STIM1: variants seen among roughly 807,000 people sequenced by gnomAD.
The protein encoded by STIM1 is stromal interaction molecule 1.
A neutral mutation model predicts 74.7 loss-of-function variants in STIM1; 25 were observed. The ratio of observed to expected loss-of-function variants is 0.33; its 90% CI spans 0.24 to 0.47. The LOEUF is 0.47. Among genes scored for constraint, STIM1 ranks in the 20% least tolerant of loss-of-function variants. The pLI is 1.00. For missense variants in STIM1, 728 were observed against 920.8 expected (o/e 0.79, Z 2.71); for synonymous variants, 328 against 348.8 (o/e 0.94, Z 0.66).
intron 1 of STIM1, chr11:3,892,389 T>G: frequency 1.4e-6 from 2 of 1,417,090 alleles, no homozygotes; most frequent in Non-Finnish European, 2.0e-6. Flanking sequence ...CAAGTCAAAC[T>G]TATTAAGAGT....
intron 2 of STIM1, among the ~76,000 whole-genome samples, chr11:3,975,532 C>T (rs2093438977): frequency 6.6e-6 from 1 of 152,126 alleles, no homozygotes. Context: ...GCAGGAGAAT[C>T]GCTTGAAGCC....
intron 1 of STIM1, among the ~76,000 whole-genome samples, chr11:3,908,165 A>G (rs1490313539): frequency 2.0e-5 from 3 of 152,262 alleles, no homozygotes; most frequent in African/African-American, 7.2e-5. Context: ...TGCATATAGC[A>G]TATACTTAGT....
At chr11:3,891,208 T>C (rs572898000) in intron 1 of STIM1, among the ~76,000 whole-genome samples, 1 of 152,182 alleles carries the variant, frequency 6.6e-6, no homozygotes, top group African/African-American at 2.4e-5. Context: ...TTGGTGCAAG[T>C]AGGACTTAAA....
At chr11:3,893,936 T>C in intron 1 of STIM1, among the ~76,000 whole-genome samples, 2 of 152,298 alleles carry the variant, frequency 1.3e-5, no homozygotes, top group Middle Eastern at 6.8e-3. Flanking sequence ...CGTACCACCA[T>C]GCCTAGCTAA....
intron 1 of STIM1, among the ~76,000 whole-genome samples, chr11:3,908,076 C>T (rs1266058556): frequency 6.6e-6 from 1 of 152,192 alleles, no homozygotes; most frequent in African/African-American, 2.4e-5. Flanking sequence ...TTTCACCTTG[C>T]ACCCCCACTC....
At chr11:3,923,199 G>A (rs542689728) in intron 1 of STIM1, among the ~76,000 whole-genome samples, 1 of 151,216 alleles carries the variant, frequency 6.6e-6, no homozygotes, top group Non-Finnish European at 1.5e-5. Context: ...CACCTTTCCC[G>A]TTAGATCTGC....
At chr11:3,877,549 C>T (rs533307159) in intron 1 of STIM1, among the ~76,000 whole-genome samples, 9 of 152,276 alleles carry the variant, frequency 5.9e-5, no homozygotes, top group Middle Eastern at 3.4e-3. Context: ...GCTTTGAAAA[C>T]GTGTACTCAG....
At chr11:4,044,115 G>A (rs754232993) in intron 3 of STIM1, among the ~76,000 whole-genome samples, 25 of 150,862 alleles carry the variant, frequency 1.7e-4, no homozygotes, top group Non-Finnish European at 1.5e-4. Context: ...TCTCTGATTC[G>A]GTGTAGCATT....
intron 3 of STIM1, among the ~76,000 whole-genome samples, chr11:4,042,266 C>T (rs1377408688): frequency 1.3e-5 from 2 of 152,184 alleles, no homozygotes; most frequent in African/African-American, 4.8e-5. Context: ...CCACATGCCT[C>T]ATACCTTTTA....
At chr11:4,053,285 T>C (rs2094258742) in intron 3 of STIM1, among the ~76,000 whole-genome samples, 2 of 152,226 alleles carry the variant, frequency 1.3e-5, no homozygotes, top group Non-Finnish European at 2.9e-5. Flanking sequence ...TGCACACGTG[T>C]GTTTATTGCA....
chr11:3,868,584 A>G (rs2090959207), intron 1 of STIM1, among the ~76,000 whole-genome samples: 1 of 152,218 alleles, frequency 6.6e-6, no homozygotes. Flanking sequence ...TACAATTTAT[A>G]GGACTGTTAA....
At chr11:4,000,482 G>C (rs545118368) in intron 2 of STIM1, among the ~76,000 whole-genome samples, 184 of 152,140 alleles carry the variant, frequency 1.2e-3, no homozygotes, top group African/African-American at 4.2e-3. Context: ...ACAGGGTCTG[G>C]AGTGGACCTC....
chr11:4,050,042 T>G (rs934880304), intron 3 of STIM1, among the ~76,000 whole-genome samples: 7 of 152,186 alleles, frequency 4.6e-5, no homozygotes, highest in Non-Finnish European at 8.8e-5. Flanking sequence ...GTTATTAACA[T>G]TATAGTTCAG....
At chr11:3,978,374 C>G (rs902359223) in intron 2 of STIM1, among the ~76,000 whole-genome samples, 3 of 149,734 alleles carry the variant, frequency 2.0e-5, no homozygotes, top group Non-Finnish European at 4.5e-5. Flanking sequence ...TTTCAAACTT[C>G]TGACCTCAGG....
At chr11:4,005,198 A>G (rs546724813) in intron 2 of STIM1, among the ~76,000 whole-genome samples, 9 of 152,342 alleles carry the variant, frequency 5.9e-5, no homozygotes, top group African/African-American at 2.2e-4. Flanking sequence ...ATCTAGAACT[A>G]GAAATACCAT....
At chr11:3,870,639 G>A (rs1296531213) in intron 1 of STIM1, among the ~76,000 whole-genome samples, 1 of 152,022 alleles carries the variant, frequency 6.6e-6, no homozygotes, top group Non-Finnish European at 1.5e-5. Flanking sequence ...TGGTACTACA[G>A]GTGTGTACCA....
intron 1 of STIM1, among the ~76,000 whole-genome samples, chr11:3,942,016 A>G (rs2093016900): frequency 6.6e-6 from 1 of 152,186 alleles, no homozygotes. Context: ...AAAATGATCA[A>G]AAATAGGCTT....
intron 2 of STIM1, among the ~76,000 whole-genome samples, chr11:3,990,749 C>T (rs1014431665): frequency 3.9e-5 from 6 of 152,068 alleles, no homozygotes; most frequent in Non-Finnish European, 8.8e-5. Flanking sequence ...TGTATATCTT[C>T]TTTAGAGAAA....
chr11:4,049,759 CACACAT>C (rs61008354), intron 3 of STIM1, among the ~76,000 whole-genome samples: 4,825 of 96,088 alleles, frequency 0.05, 160 homozygotes, highest in South Asian at 0.14. Context: ...CACACACACA[CACACAT>C]GCTTAGAACG....
Sources: allele counts gnomAD v4.1 joint callset (sites outside exome capture counted in the v4.1 genomes callset), GRCh38; gene constraint gnomAD v4.1.1; transcripts MANE v1.5; gene names NCBI Gene and HGNC (gene_info 2026-07-23, HGNC 2026-07-21).